The following RAPH1 variants were observed in gnomAD, a reference collection of about 807,000 sequenced individuals.
RAPH1 encodes ras-associated and pleckstrin homology domains-containing protein 1.
RAPH1 carries 18 observed loss-of-function variants against 88.1 expected under a neutral mutation model. That is an observed-to-expected ratio of 0.20 (90% CI 0.14 to 0.30). RAPH1 has a LOEUF of 0.30. RAPH1 is among the 10% of genes least tolerant of loss of function. The pLI, the probability that RAPH1 is intolerant of heterozygous loss-of-function variation, is 1.00. For synonymous variants in RAPH1, 587 were observed against 559.0 expected, an observed-to-expected ratio of 1.05 and a Z score of -0.71; for missense variants, 1,448 against 1,543.2, an observed-to-expected ratio of 0.94 and a Z score of 1.03.
At chr2:203,479,198 G>C (rs1031833836) in intron 4 of RAPH1, among the ~76,000 whole-genome samples, 1 of 152,176 alleles carries the variant, frequency 6.6e-6, no homozygotes, top group Non-Finnish European at 1.5e-5. Context: ...TAAAGGTTTT[G>C]TAAGTATATT....
chr2:203,525,709 G>A (rs1378037189), intron 1 of RAPH1, among the ~76,000 whole-genome samples: 2 of 152,094 alleles, frequency 1.3e-5, no homozygotes, highest in Non-Finnish European at 1.5e-5. Flanking sequence ...CCTGAGAGGC[G>A]GAGTTTGCAG....
At chr2:203,485,306 G>A (rs1687916236) in intron 4 of RAPH1, among the ~76,000 whole-genome samples, 1 of 151,892 alleles carries the variant, frequency 6.6e-6, no homozygotes, top group South Asian at 2.1e-4. Flanking sequence ...TGCTACTCGG[G>A]AGGCTGAGGC....
chr2:203,494,858 G>A lies in RAPH1; in HGVS notation c.120+376C>T, dbSNP rs1201830302. Among the ~76,000 whole-genome samples, 11 of 151,340 alleles carry A rather than the reference G, an allele frequency of 7.3e-5. No individual in the cohort carries two copies. The Middle Eastern group carries it at 0.01, about 141-fold the overall frequency. On this transcript the variant is annotated intron_variant, in intron 2 of 13. Transcript: ENST00000319170. ...AAAGAAAAACAGAAAATATTTACGT[G>A]GAAGGAAATTATTTATGTTGAAAAT... is the stretch of plus-strand genomic sequence containing the variant.
intron 1 of RAPH1, among the ~76,000 whole-genome samples, chr2:203,528,036 C>T (rs1379162578): frequency 2.0e-5 from 3 of 151,916 alleles, no homozygotes; most frequent in Non-Finnish European, 2.9e-5. Context: ...TGTCTCATGG[C>T]AAATCATTTA....
In RAPH1 at chr2:203,448,965, T is replaced by C; in HGVS notation, c.1414-129A>G. 5 of 457,600 alleles carry C rather than the reference T, an allele frequency of 1.1e-5. No individual in the cohort carries two copies. In the South Asian group the frequency reaches 2.7e-4, roughly 24 times the overall value. The allele number at this position is 457,600 out of a possible 1,614,324, so 28.3% of individuals were successfully genotyped here. A position where few individuals can be genotyped will look rare whatever the true frequency, so the allele number is the denominator to read the frequency against. Reference sequence around the variant, plus strand: ...GTAATGGCCAATACATTTATGCTTCTTATATGGCCATAAGGCCAAATAAAG... The same window carrying C: ...GTAATGGCCAATACATTTATGCTTCCTATATGGCCATAAGGCCAAATAAAG... On this transcript the variant is annotated intron_variant, in intron 10 of 13. Coordinates refer to ENST00000319170, the MANE Select transcript of RAPH1 (RefSeq NM_213589.3). The surrounding 1 kb of genome is among the most constrained non-coding windows in gnomAD (Gnocchi z 4.1).
At chr2:203,503,528 C>T (rs1459052234) in intron 1 of RAPH1, among the ~76,000 whole-genome samples, 2 of 152,180 alleles carry the variant, frequency 1.3e-5, no homozygotes, top group Non-Finnish European at 1.5e-5. Context: ...CCCTGGGCCC[C>T]TCCCACAACA....
chr2:203,475,285 T>C (rs908488354), intron 4 of RAPH1, among the ~76,000 whole-genome samples: 2 of 152,062 alleles, frequency 1.3e-5, no homozygotes, highest in Non-Finnish European at 2.9e-5. Context: ...CGGGTGCCTG[T>C]AGTCTCACCT....
At chr2:203,534,729 G>A (rs976991299) in intron 1 of RAPH1, among the ~76,000 whole-genome samples, 2 of 152,212 alleles carry the variant, frequency 1.3e-5, no homozygotes, top group Admixed American at 6.5e-5. Context: ...CCAGTAGCTG[G>A]TTTCTGCAGC....
chr2:203,500,105 C>A (rs1688676155), intron 1 of RAPH1, among the ~76,000 whole-genome samples: 1 of 152,084 alleles, frequency 6.6e-6, no homozygotes, highest in Admixed American at 6.6e-5. Flanking sequence ...CAGAGATGAA[C>A]ATGACAACCT....
chr2:203,469,162 T>C (rs1027116592), intron 4 of RAPH1, among the ~76,000 whole-genome samples: 1 of 152,174 alleles, frequency 6.6e-6, no homozygotes, highest in African/African-American at 2.4e-5. Flanking sequence ...ATAGAGATCC[T>C]AGCTGAAGAT....
rs1333736733 is a variant in RAPH1 at position 203,495,297 on chromosome 2, C to T, written c.57G>A (p.Lys19=). ...IDHGAEEDSD[K]EDQDLDKMFG... is the part of the protein sequence containing the mutation. ...ACATTTTGTCCAGGTCCTGATCTTCCTTGTCACTGTCTTCTTCAGCACCAT... is the reference window on the plus strand; with the variant it reads ...ACATTTTGTCCAGGTCCTGATCTTCTTTGTCACTGTCTTCTTCAGCACCAT... The change falls in exon 2 of 14, where the codon AAG becomes AAA. Residue 19 remains lysine, a synonymous_variant. Coordinates refer to ENST00000319170, the MANE Select transcript of RAPH1 (RefSeq NM_213589.3). 1.9e-6 allele frequency: 3 copies of T among 1,613,926 alleles called. No individual in the cohort carries two copies. Among genetic ancestry groups the T allele is most frequent in the Middle Eastern group, 1.6e-4 (1 of 6,082 alleles).
intron 2 of RAPH1, 65 bp from the exon 3 acceptor site, chr2:203,491,384 AGTTT>A: frequency 8.7e-7 from 1 of 1,154,590 alleles, no homozygotes; most frequent in Non-Finnish European, 1.2e-6. Flanking sequence ...AAAAAGATGA[AGTTT>A]GTTTTATGAT....
intron 4 of RAPH1, among the ~76,000 whole-genome samples, chr2:203,479,772 G>C (rs898989415): frequency 2.6e-5 from 4 of 151,830 alleles, no homozygotes; most frequent in Non-Finnish European, 5.9e-5. Flanking sequence ...AATAAACAAA[G>C]ATTAAAAATT....
chr2:203,492,259 CAG>C (rs1473529671), intron 2 of RAPH1, among the ~76,000 whole-genome samples: 4 of 150,846 alleles, frequency 2.7e-5, no homozygotes, highest in African/African-American at 4.9e-5. Flanking sequence ...AGAAACCGCA[CAG>C]AGAGTTCTGT....
intron 12 of RAPH1, 96 bp from the exon 13 acceptor site, chr2:203,445,106 G>C: frequency 8.9e-7 from 1 of 1,125,178 alleles, no homozygotes; most frequent in South Asian, 1.5e-5. Context: ...ACAAGGTCAA[G>C]TGCTGTGTAC....
At chr2:203,515,264 C>T (rs1455430873) in intron 1 of RAPH1, among the ~76,000 whole-genome samples, 1 of 152,120 alleles carries the variant, frequency 6.6e-6, no homozygotes, top group African/African-American at 2.4e-5. Context: ...AACTAATGTA[C>T]AATAAAGAAA....
chr2:203,482,826 CAAAACA>C (rs961728293), intron 4 of RAPH1, among the ~76,000 whole-genome samples: 2 of 143,474 alleles, frequency 1.4e-5, no homozygotes, highest in African/African-American at 3.0e-5. Flanking sequence ...CAAAACAAAA[CAAAACA>C]AAAAAAAGGT....
chr2:203,534,524 C>A lies in RAPH1; in HGVS notation c.-1+587G>T, dbSNP rs866058254. The stretch of plus-strand genomic sequence containing the variant: ...CCTCCGTCCACCCCCCCCCCCCCCC[C>A]ATGAATTGCAGTTTGGATTTCCGGC... On this transcript the variant is annotated intron_variant, in intron 1 of 13. Coordinates refer to ENST00000319170, the MANE Select transcript of RAPH1 (RefSeq NM_213589.3). Among the ~76,000 whole-genome samples, 61 of 104,146 alleles carry A rather than the reference C, an allele frequency of 5.9e-4. 1 individual carries two copies. Among genetic ancestry groups the A allele is most frequent in the Non-Finnish European group, 8.5e-4 (43 of 50,436 alleles). 68.3% of individuals were successfully genotyped at this position (104,146 alleles called of 152,430 possible).
At chr2:203,453,359 A>G (rs763024807) in intron 10 of RAPH1, among the ~76,000 whole-genome samples, 2 of 151,968 alleles carry the variant, frequency 1.3e-5, no homozygotes, top group African/African-American at 2.4e-5. Context: ...AGCCTAGGCA[A>G]TATGGCTAAA....
Sources: allele counts gnomAD v4.1 joint callset (sites outside exome capture counted in the v4.1 genomes callset), GRCh38; gene constraint gnomAD v4.1.1; non-coding constraint Gnocchi (gnomAD v3.1); transcripts MANE v1.5; gene names NCBI Gene and HGNC (gene_info 2026-07-23, HGNC 2026-07-21).